The following WWTR1 variants were observed in gnomAD, a reference collection of about 807,000 sequenced individuals.
WWTR1 encodes WW domain containing transcription regulator 1.
In WWTR1, 13 loss-of-function variants were observed where a neutral mutation model predicts 40.1. The observed-to-expected ratio is 0.32, with a 90% CI of 0.21 to 0.52. WWTR1 has a LOEUF of 0.52. WWTR1 is among the 20% of genes least tolerant of loss of function. The pLI, the probability that WWTR1 is intolerant of heterozygous loss-of-function variation, is 0.97. For missense variants in WWTR1, 436 were observed against 523.1 expected (o/e 0.83, Z 1.63); for synonymous variants, 230 against 210.1 (o/e 1.09, Z -0.82).
chr3:149,721,398 T>C (rs1581407), intron 4 of WWTR1, among the ~76,000 whole-genome samples: 48,113 of 152,128 alleles, frequency 0.32, 8,453 homozygotes, highest in Middle Eastern at 0.52. Flanking sequence ...ATGTGGTGTA[T>C]TACATTGATC....
In WWTR1 at chr3:149,575,213, A is replaced by G. The variant is rs564931110; in HGVS notation, c.432-2213T>C. Among the ~76,000 whole-genome samples the G allele has an allele frequency of 2.0e-5, 3 of 152,338 alleles. No homozygotes were observed. In the South Asian group the frequency reaches 6.2e-4, roughly 32 times the overall value. On this transcript the variant is annotated intron_variant, in intron 2 of 6. Coordinates refer to ENST00000360632, the MANE Select transcript of WWTR1 (RefSeq NM_015472.6). ...TTTACACTTTCAGTTTCACAATTGT[A>G]GTTCTGTTTAAAGCTTTCATAAAAT... is the stretch of plus-strand genomic sequence containing the variant.
chr3:149,640,263 C>A (rs184270601), intron 2 of WWTR1, among the ~76,000 whole-genome samples: 2 of 152,258 alleles, frequency 1.3e-5, no homozygotes, highest in Admixed American at 1.3e-4. Context: ...TGCTCAAAAC[C>A]CATCCAGATC....
At chr3:149,635,141 T>C (rs1711751055) in intron 2 of WWTR1, among the ~76,000 whole-genome samples, 1 of 152,224 alleles carries the variant, frequency 6.6e-6, no homozygotes, top group South Asian at 2.1e-4. Context: ...CCTGGCTAGC[T>C]CACAGGAGTG....
chr3:149,676,437 A>C (rs1299482936), intron 1 of WWTR1, among the ~76,000 whole-genome samples: 1 of 137,826 alleles, frequency 7.3e-6, no homozygotes, highest in Non-Finnish European at 1.6e-5. Context: ...TCCTTGTCAG[A>C]CTAGATTCTT....
chr3:149,628,835 A>T (rs1711498488), intron 2 of WWTR1, among the ~76,000 whole-genome samples: 1 of 151,356 alleles, frequency 6.6e-6, no homozygotes, highest in Admixed American at 6.6e-5. Context: ...GTACAGTGGC[A>T]TGATAACAGC....
chr3:149,630,090 C>T (rs1474256229), intron 2 of WWTR1, among the ~76,000 whole-genome samples: 3 of 152,250 alleles, frequency 2.0e-5, no homozygotes, highest in South Asian at 4.1e-4. Context: ...AAGCAATCCT[C>T]GTGCCCCAGC....
intron 2 of WWTR1, among the ~76,000 whole-genome samples, chr3:149,590,594 C>T (rs1346709660): frequency 1.2e-4 from 19 of 152,156 alleles, no homozygotes; most frequent in African/African-American, 4.1e-4. Context: ...TGCAGCGAGC[C>T]GAGATCATGC....
At chr3:149,596,871 T>G (rs1251515485) in intron 2 of WWTR1, among the ~76,000 whole-genome samples, 1 of 152,224 alleles carries the variant, frequency 6.6e-6, no homozygotes, top group Non-Finnish European at 1.5e-5. Context: ...GCTCCTACAC[T>G]TTCTACTTAA....
rs978692083 is a variant in WWTR1 at position 149,710,500 on chromosome 3, T to C, written n.584+6942A>G. On this transcript the variant is annotated intron_variant and non_coding_transcript_variant, in intron 5 of 6. Coordinates refer to the WWTR1 transcript ENST00000474080. ...AAAATAAGTTTAATTATACTACTTA[T>C]AGGATTATTGTGAAATTAGATAAAT... is the stretch of plus-strand genomic sequence containing the variant. Among the ~76,000 whole-genome samples, 7 of 151,048 alleles carry C rather than the reference T, an allele frequency of 4.6e-5. No homozygotes were observed. In the Admixed American group the frequency reaches 4.6e-4, roughly 10 times the overall value.
intron 2 of WWTR1, among the ~76,000 whole-genome samples, chr3:149,656,185 T>C (rs573224727): frequency 6.6e-6 from 1 of 152,312 alleles, no homozygotes; most frequent in Non-Finnish European, 1.5e-5. Context: ...GCTGGAACAA[T>C]GTGAAAGGAA....
intron 2 of WWTR1, among the ~76,000 whole-genome samples, chr3:149,584,209 T>C (rs142709410): frequency 2.0e-5 from 3 of 152,334 alleles, no homozygotes; most frequent in African/African-American, 7.2e-5. Context: ...TCCTTTCTCT[T>C]CTTTCTAATG....
At chr3:149,721,164 AT>A (rs1325622314) in intron 4 of WWTR1, among the ~76,000 whole-genome samples, 2 of 151,826 alleles carry the variant, frequency 1.3e-5, no homozygotes, top group African/African-American at 4.8e-5. Context: ...GAAAGTGGAA[AT>A]TTTTTTCTTG....
intron 3 of WWTR1, among the ~76,000 whole-genome samples, chr3:149,555,525 C>T (rs974566034): frequency 6.7e-6 from 1 of 150,302 alleles, no homozygotes; most frequent in African/African-American, 2.4e-5. Context: ...CCAGGGGTAA[C>T]AGGATTAGGA....
chr3:149,704,715 A>T (rs1199424364), upstream of WWTR1, among the ~76,000 whole-genome samples: 1 of 152,222 alleles, frequency 6.6e-6, no homozygotes, highest in Non-Finnish European at 1.5e-5. Flanking sequence ...ATCATTCTAA[A>T]GACAAAAGGT....
chr3:149,680,309 C>T (rs948011149), intron 1 of WWTR1, among the ~76,000 whole-genome samples: 3 of 152,208 alleles, frequency 2.0e-5, no homozygotes, highest in African/African-American at 7.2e-5. Flanking sequence ...TTTGGGAGGC[C>T]GAGGCAGGCA....
chr3:149,693,070 T>C (rs945822287), intron 1 of WWTR1, among the ~76,000 whole-genome samples: 2 of 152,214 alleles, frequency 1.3e-5, no homozygotes, highest in African/African-American at 2.4e-5. Flanking sequence ...TATGATCTTA[T>C]ATTTGGAAAA....
chr3:149,614,147 A>T (rs572152177), intron 2 of WWTR1, among the ~76,000 whole-genome samples: 1 of 152,298 alleles, frequency 6.6e-6, no homozygotes, highest in Admixed American at 6.5e-5. Flanking sequence ...GAGAGCTATT[A>T]CTGACACACA....
intron 5 of WWTR1, among the ~76,000 whole-genome samples, chr3:149,709,633 G>A (rs553937935): frequency 9.9e-5 from 15 of 152,122 alleles, no homozygotes; most frequent in African/African-American, 3.4e-4. Flanking sequence ...GGCCAGGAGC[G>A]GTGGCTCACG....
intron 2 of WWTR1, among the ~76,000 whole-genome samples, chr3:149,641,313 T>G (rs1712156664): frequency 6.6e-6 from 1 of 152,182 alleles, no homozygotes; most frequent in African/African-American, 2.4e-5. Context: ...CCATACGATA[T>G]GTACCAGCCA....
Sources: gnomAD v4.1 joint callset for allele counts (sites outside exome capture counted in the v4.1 genomes callset) on GRCh38, gnomAD v4.1.1 for gene constraint, MANE v1.5 for transcripts, NCBI Gene and HGNC (gene_info 2026-07-23, HGNC 2026-07-21) for gene names.